The following PPARGC1A variants were observed in gnomAD, a reference collection of about 807,000 sequenced individuals.
PPARGC1A encodes peroxisome proliferator-activated receptor gamma coactivator 1-alpha.
PPARGC1A carries 25 observed loss-of-function variants against 88.7 expected under a neutral mutation model. The observed-to-expected ratio is 0.28, with a 90% confidence interval of 0.21 to 0.39. The LOEUF (loss-of-function observed/expected upper bound fraction) is 0.39. Among genes scored for constraint, PPARGC1A ranks in the 10% least tolerant of loss-of-function variants. PPARGC1A has a pLI of 1.00. For missense variants in PPARGC1A, 880 were observed against 968.7 expected (o/e 0.91, Z 1.22); for synonymous variants, 363 against 355.6 (o/e 1.02, Z -0.24).
the PPARGC1A span, among the ~76,000 whole-genome samples, chr4:24,022,466 T>A: frequency 6.6e-6 from 1 of 152,194 alleles, no homozygotes; most frequent in Non-Finnish European, 1.5e-5. Context: ...AACTGTGATG[T>A]AAGTGCCACG....
the PPARGC1A span, among the ~76,000 whole-genome samples, chr4:23,928,960 C>T: frequency 5.3e-4 from 81 of 152,020 alleles, no homozygotes; most frequent in African/African-American, 1.9e-3. Flanking sequence ...GAACAACACA[C>T]ACTGGGGCCT....
chr4:24,183,648 T>C, the PPARGC1A span, among the ~76,000 whole-genome samples: 6 of 152,190 alleles, frequency 3.9e-5, no homozygotes, highest in South Asian at 8.3e-4. Flanking sequence ...ATTCCCATGA[T>C]ATAAAATTAT....
chr4:24,017,146 C>G, the PPARGC1A span, among the ~76,000 whole-genome samples: 1 of 152,060 alleles, frequency 6.6e-6, no homozygotes, highest in African/African-American at 2.4e-5. Flanking sequence ...GAAAGGTACG[C>G]AAAGAGGTTA....
the PPARGC1A span, among the ~76,000 whole-genome samples, chr4:24,330,012 G>C: frequency 5.3e-5 from 8 of 152,102 alleles, no homozygotes; most frequent in Non-Finnish European, 1.2e-4. Flanking sequence ...TGGCTTTCAG[G>C]ACCCTCCCTT....
chr4:24,084,528 T>A, the PPARGC1A span, among the ~76,000 whole-genome samples: 1 of 152,178 alleles, frequency 6.6e-6, no homozygotes, highest in African/African-American at 2.4e-5. Context: ...CAAGGAAGAA[T>A]TTCCTTGGCC....
chr4:23,948,364 A>C, the PPARGC1A span, among the ~76,000 whole-genome samples: 1 of 152,156 alleles, frequency 6.6e-6, no homozygotes, highest in Non-Finnish European at 1.5e-5. Context: ...AGGCAGGAAG[A>C]CAACAAGGCA....
the PPARGC1A span, among the ~76,000 whole-genome samples, chr4:23,917,513 C>T: frequency 2.0e-5 from 3 of 150,446 alleles, no homozygotes; most frequent in Admixed American, 6.6e-5. Context: ...TTAGTAGAGA[C>T]GGGGTTTCAC....
the PPARGC1A span, among the ~76,000 whole-genome samples, chr4:24,253,065 G>T: frequency 6.6e-6 from 1 of 152,086 alleles, no homozygotes; most frequent in African/African-American, 2.4e-5. Flanking sequence ...ATGGTCAAGG[G>T]AATTTATCTT....
At chr4:24,271,249 C>G in the PPARGC1A span, among the ~76,000 whole-genome samples, 2 of 152,300 alleles carry the variant, frequency 1.3e-5, no homozygotes, top group East Asian at 3.9e-4. Flanking sequence ...AGCCCTCACT[C>G]TGACTCCTGT....
At chr4:24,174,216 A>G in the PPARGC1A span, among the ~76,000 whole-genome samples, 5 of 152,180 alleles carry the variant, frequency 3.3e-5, no homozygotes, top group Non-Finnish European at 5.9e-5. Flanking sequence ...ATCCTGATTC[A>G]GCATTCTAGG....
chr4:23,941,453 CT>C, the PPARGC1A span, among the ~76,000 whole-genome samples: 1 of 152,154 alleles, frequency 6.6e-6, no homozygotes, highest in Non-Finnish European at 1.5e-5. Flanking sequence ...GGTGTGATAT[CT>C]GTCAGACTCG....
the PPARGC1A span, among the ~76,000 whole-genome samples, chr4:24,179,176 C>T: frequency 6.6e-6 from 1 of 152,104 alleles, no homozygotes; most frequent in Non-Finnish European, 1.5e-5. Context: ...GGGACTAGTA[C>T]ATTATCTCCT....
chr4:24,006,553 G>T, the PPARGC1A span, among the ~76,000 whole-genome samples: 1 of 152,170 alleles, frequency 6.6e-6, no homozygotes. Flanking sequence ...ACCTCAGAAA[G>T]ATGCACAAAT....
At chr4:24,172,826 G>A in the PPARGC1A span, among the ~76,000 whole-genome samples, 8 of 152,214 alleles carry the variant, frequency 5.3e-5, no homozygotes, top group South Asian at 2.1e-4. Flanking sequence ...TGAATACACC[G>A]CCGTGTTTCC....
the PPARGC1A span, among the ~76,000 whole-genome samples, chr4:24,278,331 T>C: frequency 6.6e-6 from 1 of 152,216 alleles, no homozygotes; most frequent in Non-Finnish European, 1.5e-5. Flanking sequence ...TCTATACCTT[T>C]AAAAGGAACT....
At chr4:23,846,938 G>C (rs973281161) in intron 2 of PPARGC1A, among the ~76,000 whole-genome samples, 4 of 152,028 alleles carry the variant, frequency 2.6e-5, no homozygotes, top group Non-Finnish European at 1.5e-5. Context: ...TTTCATACTG[G>C]GATAAAGGTT....
intron 2 of PPARGC1A, among the ~76,000 whole-genome samples, chr4:23,863,263 C>T (rs547365577): frequency 5.4e-4 from 82 of 152,298 alleles, no homozygotes; most frequent in East Asian, 1.9e-4. Context: ...CCCCTGGTTG[C>T]AAGCTCTAAG....
upstream of PPARGC1A, chr4:23,903,848 T>C (rs1719716924): frequency 5.9e-6 from 1 of 170,604 alleles, no homozygotes; most frequent in Non-Finnish European, 1.2e-5. Context: ...CTCTTTCTTT[T>C]TAGCAATCTA....
At chr4:24,170,987 G>A in the PPARGC1A span, among the ~76,000 whole-genome samples, 5 of 151,930 alleles carry the variant, frequency 3.3e-5, no homozygotes, top group African/African-American at 7.3e-5. Flanking sequence ...CCTGCCTCAG[G>A]GCCTCTGCAC....
Sources: gnomAD v4.1 joint callset for allele counts (sites outside exome capture counted in the v4.1 genomes callset) on GRCh38, gnomAD v4.1.1 for gene constraint, MANE v1.5 for transcripts, NCBI Gene and HGNC (gene_info 2026-07-23, HGNC 2026-07-21) for gene names.